The following ZNF578 variants were observed in gnomAD, a reference collection of about 807,000 sequenced individuals.
ZNF578 encodes the protein Putative chemokine-related protein B42.
In ZNF578, 8 loss-of-function variants were observed where a neutral mutation model predicts 8.3. The observed-to-expected ratio is 0.96, with a 90% CI of 0.56 to 1.74. ZNF578 has a LOEUF of 1.74. Among genes scored for constraint, ZNF578 ranks in the 40% most tolerant of loss-of-function variants. ZNF578 has a pLI of 0.00. For synonymous variants in ZNF578, 206 were observed against 232.2 expected, an observed-to-expected ratio of 0.89 and a Z score of 1.03; for missense variants, 726 against 707.5, an observed-to-expected ratio of 1.03 and a Z score of -0.30.
intron 2 of ZNF578, among the ~76,000 whole-genome samples, chr19:52,483,911 A>G (rs376616085): frequency 6.7e-6 from 1 of 149,872 alleles, no homozygotes; most frequent in South Asian, 2.1e-4. Flanking sequence ...GAGAGACTTG[A>G]GAAAATAAAG....
chr19:52,514,806 G>A lies in ZNF578; in HGVS notation c.*2652G>A, dbSNP rs566678428. Among the ~76,000 whole-genome samples the A allele has an allele frequency of 1.3e-4, 20 of 152,098 alleles. No homozygotes were observed. Among genetic ancestry groups the A allele is most frequent in the Admixed American group, 1.1e-3 (17 of 15,266 alleles). On this transcript the variant is annotated 3_prime_UTR_variant, in exon 6 of 6. Transcript: ENST00000421239. ...GTCTCCTGAGGAGCTGGAATTACAGGCACCCACCAGCACACCCAGCTAGTT... is the reference window on the plus strand; with the variant it reads ...GTCTCCTGAGGAGCTGGAATTACAGACACCCACCAGCACACCCAGCTAGTT...
chr19:52,472,525 C>G (rs1016042826), intron 2 of ZNF578, among the ~76,000 whole-genome samples: 4 of 152,298 alleles, frequency 2.6e-5, no homozygotes, highest in Middle Eastern at 6.8e-3. Flanking sequence ...ACAGCTATTG[C>G]TATTCAGTTG....
intron 2 of ZNF578, among the ~76,000 whole-genome samples, chr19:52,469,167 G>GTTTTTTTTTTTTT (rs3054902): frequency 3.1e-5 from 4 of 130,612 alleles, no homozygotes; most frequent in Non-Finnish European, 3.1e-5. Context: ...GTTTTTTTTT[G>GTTTTTTTTTTTTT]TTTTTTTTTT....
chr19:52,468,229 A>C (rs1165045086), intron 2 of ZNF578, among the ~76,000 whole-genome samples: 1 of 152,196 alleles, frequency 6.6e-6, no homozygotes, highest in African/African-American at 2.4e-5. Flanking sequence ...TAGCTTTTGG[A>C]AAAATGCTCT....
chr19:52,483,069 C>CA (rs1194753091), intron 2 of ZNF578, among the ~76,000 whole-genome samples: 1 of 152,024 alleles, frequency 6.6e-6, no homozygotes, highest in Non-Finnish European at 1.5e-5. Context: ...GACTTGGTCT[C>CA]AAAAAACAGA....
At chr19:52,504,527 C>T (rs1344869657) in intron 4 of ZNF578, 128 bp from the exon 5 acceptor site, 25 of 1,526,344 alleles carry the variant, frequency 1.6e-5, no homozygotes, top group Non-Finnish European at 2.1e-5. Flanking sequence ...TTCAAAAATA[C>T]CTTAACGTGG....
At chr19:52,494,910 A>C (rs28445935) in intron 3 of ZNF578, among the ~76,000 whole-genome samples, 25 of 152,234 alleles carry the variant, frequency 1.6e-4, no homozygotes, top group African/African-American at 5.3e-4. Flanking sequence ...ACTCTAACTG[A>C]AGCCTCGACC....
At chr19:52,478,903 A>G (rs1012432886) in intron 2 of ZNF578, among the ~76,000 whole-genome samples, 2 of 151,762 alleles carry the variant, frequency 1.3e-5, no homozygotes, top group Admixed American at 6.6e-5. Flanking sequence ...TAGTAGAGAC[A>G]GGGCTTCACC....
At chr19:52,506,339 G>A (rs533059113) in intron 5 of ZNF578, among the ~76,000 whole-genome samples, 3 of 152,042 alleles carry the variant, frequency 2.0e-5, no homozygotes, top group South Asian at 2.1e-4. Context: ...GGCTGGGTGC[G>A]GTGGCCCATG....
chr19:52,508,909 T>TG (rs1475236277), intron 5 of ZNF578, among the ~76,000 whole-genome samples: 1 of 141,554 alleles, frequency 7.1e-6, no homozygotes, highest in East Asian at 2.0e-4. Context: ...TTTTTTTTTT[T>TG]TTTTTTTTTT....
chr19:52,455,987 C>T (rs1210448321), intron 1 of ZNF578: 1 of 152,262 alleles, frequency 6.6e-6, no homozygotes, highest in Non-Finnish European at 1.5e-5. Flanking sequence ...TGTAGCTACA[C>T]AGATCTCATT....
chr19:52,471,625 T>G (rs1466534438), intron 2 of ZNF578, among the ~76,000 whole-genome samples: 1 of 152,170 alleles, frequency 6.6e-6, no homozygotes, highest in Non-Finnish European at 1.5e-5. Context: ...AAGCCAGTCA[T>G]CTATTCCAGT....
rs2059466059 is a variant in ZNF578, at chr19:52,514,814, C to CA, written c.*2661dup. Among the ~76,000 whole-genome samples the CA allele has an allele frequency of 6.6e-6, 1 of 152,076 alleles. No homozygotes were observed. The highest frequency in any genetic ancestry group is 1.5e-5 in the Non-Finnish European group (1 of 68,018). On this transcript the variant is annotated 3_prime_UTR_variant, in exon 6 of 6. Transcript: ENST00000421239. ...AGGAGCTGGAATTACAGGCACCCAC[C>CA]AGCACACCCAGCTAGTTTTTGTATT... is the stretch of plus-strand genomic sequence containing the variant.
At chr19:52,460,024 C>T (rs1359335633) in intron 2 of ZNF578, among the ~76,000 whole-genome samples, 8 of 150,518 alleles carry the variant, frequency 5.3e-5, no homozygotes, top group Non-Finnish European at 1.0e-4. Flanking sequence ...CTCAGCTTCC[C>T]AAAGTGCTGG....
At position 52,511,610 on chromosome 19, in the gene ZNF578, A is replaced by C. The variant is rs778597854; in HGVS notation, c.1229A>C (p.Gln410Pro). Residue 410 changes from glutamine to proline, a missense_variant, in exon 6 of 6, where the codon CAA becomes CCA. Physicochemically the swap from Gln to Pro is moderately conservative, Grantham distance 76. Transcript: ENST00000421239. The stretch of plus-strand genomic sequence containing the variant: ...AATGAATGTGGCAAGGCTTTTAATC[A>C]ACAATCACACCTTTCACGTCATCAT... ...KCNECGKAFN[Q>P]QSHLSRHHRL... is the part of the protein sequence containing the mutation. 20 of 1,613,134 alleles carry C rather than the reference A, an allele frequency of 1.2e-5. No homozygotes were observed. The Admixed American group carries it at 3.0e-4, about 24-fold the overall frequency.
At chr19:52,461,993 T>G (rs796559794) in intron 2 of ZNF578, among the ~76,000 whole-genome samples, 3 of 152,196 alleles carry the variant, frequency 2.0e-5, no homozygotes, top group African/African-American at 7.2e-5. Context: ...AGTTTTGTCT[T>G]TCATCTATCA....
chr19:52,505,069 T>G (rs1478310956), intron 5 of ZNF578, among the ~76,000 whole-genome samples: 1 of 152,096 alleles, frequency 6.6e-6, no homozygotes, highest in Non-Finnish European at 1.5e-5. Context: ...GTATTTTTAG[T>G]AGAGATGGGG....
chr19:52,489,563 G>A (rs111229762), intron 2 of ZNF578, among the ~76,000 whole-genome samples: 33,578 of 151,716 alleles, frequency 0.22, 3,954 homozygotes, highest in Non-Finnish European at 0.26. Context: ...ACTCCAGCCT[G>A]GGCAACAAGA....
At chr19:52,464,724 CT>C (rs1169067876) in intron 2 of ZNF578, among the ~76,000 whole-genome samples, 1 of 152,184 alleles carries the variant, frequency 6.6e-6, no homozygotes, top group African/African-American at 2.4e-5. Flanking sequence ...CTCTAACAGG[CT>C]GGATACCTCT....
Sources: gnomAD v4.1 joint callset for allele counts (sites outside exome capture counted in the v4.1 genomes callset) on GRCh38, gnomAD v4.1.1 for gene constraint, MANE v1.5 for transcripts, NCBI Gene and HGNC (gene_info 2026-07-23, HGNC 2026-07-21) for gene names.